Variants in JAKMIP3 observed in about 807,000 individuals in gnomAD.
The protein encoded by JAKMIP3 is Janus kinase and microtubule interacting protein 3, also known as janus kinase and microtubule-interacting protein 3.
In JAKMIP3, 58 loss-of-function variants were observed where a neutral mutation model predicts 118.5. That is an observed-to-expected ratio of 0.49 (90% CI 0.40 to 0.61). The LOEUF (loss-of-function observed/expected upper bound fraction) is 0.61. Ranked by LOEUF, JAKMIP3 falls within the 20% of genes least tolerant of loss-of-function variation. JAKMIP3 has a pLI of 0.00. For synonymous variants in JAKMIP3, 486 were observed against 451.2 expected (o/e 1.08, Z -0.98); for missense variants, 950 against 1,109.0 (o/e 0.86, Z 2.04).
chr10:132,119,686 C>T (rs2048241885), intron 3 of JAKMIP3, among the ~76,000 whole-genome samples: 1 of 152,214 alleles, frequency 6.6e-6, no homozygotes, highest in South Asian at 2.1e-4. Flanking sequence ...TCTTGGCCCT[C>T]TAGAATTCCA....
rs892342573 is a variant in JAKMIP3, at chr10:132,117,993, C to T, written c.633+419C>T. On this transcript the variant is annotated intron_variant, in intron 3 of 23. Coordinates refer to ENST00000684848, the MANE Select transcript of JAKMIP3 (RefSeq NM_001323087.2). This position sits in a 1 kb window ranked among gnomAD's most constrained non-coding sequence, Gnocchi z 8.6. ...CCAGGCAGGGCTCAGTGTTTCGCAGCAGGAGTCCCACACATCCTCACGGGG... is the reference window on the plus strand; with the variant it reads ...CCAGGCAGGGCTCAGTGTTTCGCAGTAGGAGTCCCACACATCCTCACGGGG... 6.6e-6 allele frequency among the ~76,000 whole-genome samples: 1 copy of T among 152,160 alleles called. No homozygotes were observed. Among genetic ancestry groups the T allele is most frequent in the Non-Finnish European group, 1.5e-5 (1 of 68,026 alleles).
chr10:132,085,605 A>C (rs1356587644), intron 1 of JAKMIP3, among the ~76,000 whole-genome samples: 1 of 151,248 alleles, frequency 6.6e-6, no homozygotes, highest in Non-Finnish European at 1.5e-5. Context: ...GGTTCAAGCG[A>C]TTCTTCTGCC....
At chr10:132,127,760 G>A (rs943324913) in intron 3 of JAKMIP3, among the ~76,000 whole-genome samples, 1 of 151,930 alleles carries the variant, frequency 6.6e-6, no homozygotes, top group Non-Finnish European at 1.5e-5. Flanking sequence ...CATTGTATGG[G>A]ATTATCTCCT....
chr10:132,103,300 G>A (rs1465740216), intron 1 of JAKMIP3, among the ~76,000 whole-genome samples: 2 of 147,590 alleles, frequency 1.4e-5, no homozygotes, highest in Non-Finnish European at 3.0e-5. Context: ...TGACCCTCTG[G>A]GCAGCCAAGA....
rs779438162 is a variant in JAKMIP3 at position 132,112,259 on chromosome 10, G to T, written c.136-4818G>T. Among the ~76,000 whole-genome samples, 1 of 152,120 alleles carries T rather than the reference G, an allele frequency of 6.6e-6. No individual in the cohort carries two copies. The highest frequency in any genetic ancestry group is 1.5e-5 in the Non-Finnish European group (1 of 68,012). ...TGAGCACAGGTGCCTGCTGTCCCGCGGGGCACACGGGCCTCAGGTGTGGGA... is the reference window on the plus strand; with the variant it reads ...TGAGCACAGGTGCCTGCTGTCCCGCTGGGCACACGGGCCTCAGGTGTGGGA... On this transcript the variant is annotated intron_variant, in intron 2 of 23. Coordinates refer to ENST00000684848, the MANE Select transcript of JAKMIP3 (RefSeq NM_001323087.2). This position sits in a 1 kb window ranked among gnomAD's most constrained non-coding sequence, Gnocchi z 4.3.
At chr10:132,145,486 G>A (rs1027003923) in intron 12 of JAKMIP3, 32 bp from the exon 13 acceptor site, 1 of 1,537,886 alleles carries the variant, frequency 6.5e-7, no homozygotes, top group Non-Finnish European at 8.8e-7. Flanking sequence ...TCCTCCCTCA[G>A]TGTCTTTATT....
chr10:132,061,203 CACCTGCCGTGACGGCGCACACAT>C (rs2038383068), upstream of JAKMIP3, among the ~76,000 whole-genome samples: 3 of 123,864 alleles, frequency 2.4e-5, no homozygotes, highest in Non-Finnish European at 3.6e-5. Flanking sequence ...CGCACACACA[CACCTGCCGTGACGGCGCACACAT>C]ACACCTGCCG....
In JAKMIP3 at chr10:132,106,857, C is replaced by T. The variant is rs1038718372; in HGVS notation, c.135+1914C>T. ...GTCAAGAGCCCAGTGAGAATGAAAC[C>T]CTTTGTTTTATTGAGTAAAAATATA... On this transcript the variant is annotated intron_variant, in intron 2 of 23. Transcript: ENST00000684848. 2.6e-5 allele frequency among the ~76,000 whole-genome samples: 4 copies of T among 152,096 alleles called. No homozygotes were observed. The East Asian group carries it at 5.8e-4, about 22-fold the overall frequency.
intron 13 of JAKMIP3, among the ~76,000 whole-genome samples, chr10:132,147,415 A>G (rs1022307518): frequency 1.3e-5 from 2 of 152,170 alleles, no homozygotes; most frequent in African/African-American, 4.8e-5. Context: ...GTTTACTCGT[A>G]ACTGGTTCCG....
chr10:132,136,101 G>A lies in JAKMIP3; in HGVS notation c.1116+25G>A, dbSNP rs775399104. 8.7e-6 allele frequency: 14 copies of A among 1,610,236 alleles called. 1 individual carries two copies. The South Asian group carries it at 1.4e-4, about 16-fold the overall frequency. ...GGTGAGGGGGTGGGGGGCTCCACGG[G>A]GCCACGGTCGCACCCGAGCTCCAGG... On this transcript the variant is annotated intron_variant, in intron 6 of 23. Coordinates refer to ENST00000684848, the MANE Select transcript of JAKMIP3 (RefSeq NM_001323087.2).
At chr10:132,176,643 C>T (rs982802478) in intron 23 of JAKMIP3, among the ~76,000 whole-genome samples, 2 of 152,144 alleles carry the variant, frequency 1.3e-5, no homozygotes, top group African/African-American at 2.4e-5. Context: ...AAGGCAGACT[C>T]TTTAATTGTG....
chr10:132,142,163 C>T, intron 11 of JAKMIP3, 115 bp downstream of exon 11: 2 of 1,076,288 alleles, frequency 1.9e-6, no homozygotes, highest in Non-Finnish European at 2.6e-6. Context: ...CCCCTCCTCT[C>T]CTGCCCTTGC....
intron 1 of JAKMIP3, among the ~76,000 whole-genome samples, chr10:132,080,439 G>C (rs1432360033): frequency 7.0e-6 from 1 of 143,590 alleles, no homozygotes; most frequent in Non-Finnish European, 1.5e-5. Context: ...CTGGAGAAAT[G>C]TGTATTCAAA....
Position 132,117,634 on chromosome 10 carries a change from TGC to T in JAKMIP3, c.633+61_633+62del. The T allele has an allele frequency of 3.2e-6, 3 of 949,230 alleles. No homozygotes were observed. Among genetic ancestry groups the T allele is most frequent in the Non-Finnish European group, 4.4e-6 (3 of 685,998 alleles). 58.8% of individuals were successfully genotyped at this position (949,230 alleles called of 1,614,324 possible). On this transcript the variant is annotated intron_variant, in intron 3 of 23. Coordinates refer to ENST00000684848, the MANE Select transcript of JAKMIP3 (RefSeq NM_001323087.2). This position sits in a 1 kb window ranked among gnomAD's most constrained non-coding sequence, Gnocchi z 8.6. ...GTGCAGGGGCGGGCGTGGGCGAGGG[TGC>T]AGGGGCGGGCGTGGGCGAGGGTGCA...
chr10:132,159,651 T>C (rs2057709050), intron 19 of JAKMIP3, among the ~76,000 whole-genome samples: 1 of 71,536 alleles, frequency 1.4e-5, no homozygotes, highest in African/African-American at 5.1e-5. Context: ...GGGGGGCCTC[T>C]CCCTGTGTGA....
chr10:132,124,236 G>A (rs1326304697), intron 3 of JAKMIP3, among the ~76,000 whole-genome samples: 2 of 152,290 alleles, frequency 1.3e-5, no homozygotes, highest in Admixed American at 6.5e-5. Flanking sequence ...GCCCCGGTGC[G>A]TCACAGCCGA....
At chr10:132,145,429 G>A in intron 12 of JAKMIP3, 89 bp from the exon 13 acceptor site, 1 of 1,273,144 alleles carries the variant, frequency 7.9e-7, no homozygotes, top group East Asian at 2.5e-5. Context: ...GGCCAGACTG[G>A]TCTTTGGTGT....
chr10:132,048,031 G>C (rs1298613550), intron 1 of JAKMIP3, among the ~76,000 whole-genome samples: 1 of 152,216 alleles, frequency 6.6e-6, no homozygotes, highest in Non-Finnish European at 1.5e-5. Flanking sequence ...TTTCATAAAG[G>C]GTCCCCAGTG....
intron 2 of JAKMIP3, among the ~76,000 whole-genome samples, chr10:132,115,342 C>G (rs1467971249): frequency 2.0e-5 from 3 of 152,192 alleles, no homozygotes; most frequent in Admixed American, 2.0e-4. Context: ...CTTCTGTGAT[C>G]AGAGGGGGAC....
Sources: gnomAD v4.1 joint callset for allele counts (sites outside exome capture counted in the v4.1 genomes callset) on GRCh38, gnomAD v4.1.1 for gene constraint, Gnocchi (gnomAD v3.1) non-coding constraint, MANE v1.5 for transcripts, NCBI Gene and HGNC (gene_info 2026-07-23, HGNC 2026-07-21) for gene names.